NELFA: variants seen among roughly 807,000 people sequenced by gnomAD.
The protein encoded by NELFA is negative elongation factor A.
Under a neutral mutation model 51.8 loss-of-function variants are expected in NELFA, and 35 were observed. The ratio of observed to expected loss-of-function variants is 0.68; its 90% CI spans 0.52 to 0.90. The LOEUF (loss-of-function observed/expected upper bound fraction) is 0.90, where lower values mean the gene tolerates loss of function less well. Among genes scored for constraint, NELFA ranks in the 40% least tolerant of loss-of-function variants. NELFA has a pLI of 0.00. For missense variants in NELFA, 658 were observed against 746.4 expected (o/e 0.88, Z 1.38); for synonymous variants, 417 against 338.4 (o/e 1.23, Z -2.55).
intron 1 of NELFA, chr4:1,992,313 GC>G: frequency 8.1e-6 from 2 of 245,660 alleles, no homozygotes; most frequent in Non-Finnish European, 1.6e-5. Flanking sequence ...CCTGGAGGTG[GC>G]CCCGGGATCT....
chr4:1,997,581 A>T (rs1728458847), intron 1 of NELFA, among the ~76,000 whole-genome samples: 1 of 152,274 alleles, frequency 6.6e-6, no homozygotes, highest in African/African-American at 2.4e-5. Context: ...ACCCACTAGG[A>T]TCGCTATATC....
intron 1 of NELFA, among the ~76,000 whole-genome samples, chr4:1,999,177 C>T (rs1266630245): frequency 4.6e-5 from 7 of 150,990 alleles, no homozygotes; most frequent in East Asian, 1.9e-4. Flanking sequence ...AAAACCAGTA[C>T]GAGCCACTGA....
intron 1 of NELFA, among the ~76,000 whole-genome samples, chr4:2,007,413 C>T (rs1728736945): frequency 6.6e-6 from 1 of 152,150 alleles, no homozygotes. Context: ...TAAAGTGCCT[C>T]GTGCTCACAG....
intron 1 of NELFA, 39 bp from the exon 2 acceptor site, chr4:1,991,754 C>A (rs772596621): frequency 1.9e-6 from 3 of 1,550,438 alleles, no homozygotes; most frequent in African/African-American, 2.7e-5. Context: ...CATGCCCCTG[C>A]CCACTTCCAA....
chr4:1,994,202 C>T (rs1427930156), intron 1 of NELFA, among the ~76,000 whole-genome samples: 1 of 151,624 alleles, frequency 6.6e-6, no homozygotes, highest in African/African-American at 2.4e-5. Context: ...GGGTTCAAGG[C>T]TGCAGTGAAC....
intron 1 of NELFA, among the ~76,000 whole-genome samples, chr4:1,996,370 A>G (rs1258195839): frequency 6.6e-6 from 1 of 152,230 alleles, no homozygotes; most frequent in Non-Finnish European, 1.5e-5. Flanking sequence ...TGCGGCTTAC[A>G]CTGTAATTAG....
rs754159212 is a variant in NELFA at position 1,983,271 on chromosome 4, C to T, written c.*48G>A. The T allele has an allele frequency of 2.9e-5, 45 of 1,564,104 alleles. No individual in the cohort carries two copies. The highest frequency in any genetic ancestry group is 3.3e-5 in the Non-Finnish European group (38 of 1,147,862). On this transcript the variant is annotated 3_prime_UTR_variant, in exon 11 of 11. Transcript: ENST00000382882. ...GGTTACTTTAAGCTGGCAAAGCCAT[C>T]GTCCCGTGGACCCCCACAAGTGACG...
At chr4:1,988,059 G>C (rs1728162614) in intron 3 of NELFA, 52 bp from the exon 4 acceptor site, 1 of 1,493,880 alleles carries the variant, frequency 6.7e-7, no homozygotes, top group Admixed American at 1.9e-5. Context: ...AGAGCCCTTG[G>C]CCCTTGTAAA....
chr4:1,989,559 C>G lies in NELFA; in HGVS notation c.544+149G>C, dbSNP rs1208895485. ...GTCTCAAACTCCTGGGCTCAAACGA[C>G]CCACCTGCCCCAGCCTCCCAACAGG... On this transcript the variant is annotated intron_variant, in intron 3 of 10. Transcript: ENST00000382882. This position sits in a 1 kb window ranked among gnomAD's most constrained non-coding sequence, Gnocchi z 4.8. The G allele has an allele frequency of 2.4e-5, 20 of 829,234 alleles. No homozygotes were observed. Among genetic ancestry groups the G allele is most frequent in the Non-Finnish European group, 3.5e-5 (19 of 537,094 alleles). 51.4% of individuals were successfully genotyped at this position (829,234 alleles called of 1,614,324 possible). A position where few individuals can be genotyped will look rare whatever the true frequency, so the allele number is the denominator to read the frequency against.
rs114173851 is a variant in NELFA at position 1,987,451 on chromosome 4, G to C, written c.634+467C>G. 2.2e-3 allele frequency: 344 copies of C among 158,492 alleles called. 3 individuals carry two copies. Among genetic ancestry groups the C allele is most frequent in the South Asian group, 8.1e-3 (41 of 5,038 alleles). 9.8% of individuals were successfully genotyped at this position (158,492 alleles called of 1,614,324 possible). ...GAAGGGCAGATGGAGGGGTGCGGGG[G>C]GCACAGCCCCACGGGCAGCTGAGCA... On this transcript the variant is annotated intron_variant, in intron 4 of 10. Transcript: ENST00000382882.
intron 1 of NELFA, among the ~76,000 whole-genome samples, chr4:2,003,105 T>C (rs1428902977): frequency 6.6e-6 from 1 of 152,160 alleles, no homozygotes; most frequent in Non-Finnish European, 1.5e-5. Context: ...AAGACATTTA[T>C]GAGGCCAATA....
chr4:2,004,527 G>C (rs901361952), intron 1 of NELFA, among the ~76,000 whole-genome samples: 2 of 151,908 alleles, frequency 1.3e-5, no homozygotes, highest in South Asian at 4.2e-4. Context: ...TCATTCTGTC[G>C]GCCAGGCTAG....
intron 1 of NELFA, among the ~76,000 whole-genome samples, chr4:2,005,678 T>A (rs1171206628): frequency 3.3e-5 from 5 of 151,726 alleles, no homozygotes; most frequent in Non-Finnish European, 7.4e-5. Flanking sequence ...GGTGAGAGAG[T>A]GAGATCTCCG....
intron 1 of NELFA, among the ~76,000 whole-genome samples, chr4:1,993,180 G>C (rs928676852): frequency 2.0e-5 from 3 of 152,226 alleles, no homozygotes; most frequent in Admixed American, 6.5e-5. Context: ...AAAAAAAGTC[G>C]GGGATGTTAA....
chr4:1,992,259 C>A, intron 1 of NELFA: 1 of 236,210 alleles, frequency 4.2e-6, no homozygotes, highest in Non-Finnish European at 8.5e-6. Context: ...GCAGGGACGG[C>A]TGCCTCTGGG....
rs1359122857 is a variant in NELFA at position 1,989,498 on chromosome 4, T to G, written c.544+210A>C. ...ACGCACCACCATGCCCGGCTAATGT[T>G]TTGGTACTTTTGGTAGAGATGGGGT... On this transcript the variant is annotated intron_variant, in intron 3 of 10. Coordinates refer to ENST00000382882, the MANE Select transcript of NELFA (RefSeq NM_005663.5). This position sits in a 1 kb window ranked among gnomAD's most constrained non-coding sequence, Gnocchi z 4.8. Among the ~76,000 whole-genome samples, 2 of 151,888 alleles carry G rather than the reference T, an allele frequency of 1.3e-5. No individual in the cohort carries two copies. The highest frequency in any genetic ancestry group is 2.4e-5 in the African/African-American group (1 of 41,424).
At chr4:2,000,694 T>C (rs1338887421) in intron 1 of NELFA, among the ~76,000 whole-genome samples, 1 of 152,212 alleles carries the variant, frequency 6.6e-6, no homozygotes, top group Non-Finnish European at 1.5e-5. Flanking sequence ...CCAGACGGAC[T>C]CACAGCTGAA....
Position 1,983,666 on chromosome 4 carries a change from C to T in NELFA, c.1332G>A (p.Met444Ile), listed in dbSNP as rs768949087. The change falls in exon 10 of 11, where the codon ATG (methionine) becomes ATA (isoleucine). Residue 444 changes from methionine (M) to isoleucine (I), a missense_variant. By Grantham distance (10) the Met-to-Ile change is conservative (BLOSUM62 1). This residue lies in a region of NELFA where 87 missense variants were observed against 130.2 expected (regional missense o/e 0.67). Transcript: ENST00000382882. ...TREQMFAAQE[M>I]FKTANKVTRP... ...GCGTGACTTTGTTGGCCGTCTTGAA[C>T]ATCTCCTGGGCAGCGAACATCTGCT... 1.9e-6 allele frequency: 3 copies of T among 1,613,978 alleles called. No homozygotes were observed. Among genetic ancestry groups the T allele is most frequent in the African/African-American group, 2.7e-5 (2 of 74,954 alleles).
intron 1 of NELFA, 29 bp downstream of exon 1, chr4:2,008,721 G>A (rs1346742486): frequency 2.5e-6 from 4 of 1,580,398 alleles, no homozygotes; most frequent in East Asian, 2.3e-5. Flanking sequence ...TGGGAATCTG[G>A]GGGCCGCGGG....
Sources: gnomAD v4.1 joint callset for allele counts (sites outside exome capture counted in the v4.1 genomes callset) on GRCh38, gnomAD v4.1.1 for gene constraint, gnomAD v4.1.1 regional missense constraint, Gnocchi (gnomAD v3.1) non-coding constraint, MANE v1.5 for transcripts, NCBI Gene and HGNC (gene_info 2026-07-23, HGNC 2026-07-21) for gene names.